Variants in LRBA observed in about 807,000 individuals in gnomAD.
LRBA encodes the protein LPS responsive beige-like anchor protein, also known as lipopolysaccharide-responsive and beige-like anchor protein.
Under a neutral mutation model 330.0 loss-of-function variants are expected in LRBA, and 176 were observed. The ratio of observed to expected loss-of-function variants is 0.53; its 90% CI spans 0.47 to 0.60. The LOEUF is 0.60. Among genes scored for constraint, LRBA ranks in the 20% least tolerant of loss-of-function variants. The pLI is 0.00. For synonymous variants in LRBA, 1,230 were observed against 1,193.0 expected (o/e 1.03, Z -0.64); for missense variants, 3,259 against 3,444.8 (o/e 0.95, Z 1.35).
chr4:150,547,178 A>C (rs1197698844), intron 40 of LRBA, among the ~76,000 whole-genome samples: 1 of 152,154 alleles, frequency 6.6e-6, no homozygotes. Flanking sequence ...ACTTAAAATG[A>C]AATCTGAAAC....
At chr4:150,862,179 G>A (rs1472309553) in intron 22 of LRBA, among the ~76,000 whole-genome samples, 2 of 152,000 alleles carry the variant, frequency 1.3e-5, no homozygotes, top group East Asian at 3.9e-4. Context: ...CCCATTACTG[G>A]GTATATACCC....
chr4:150,764,530 T>C (rs938123326), intron 34 of LRBA, among the ~76,000 whole-genome samples: 1 of 152,042 alleles, frequency 6.6e-6, no homozygotes, highest in Admixed American at 6.6e-5. Context: ...TAAAATCATT[T>C]GTAAAAGACA....
chr4:150,651,084 G>C (rs1214316808), intron 37 of LRBA, among the ~76,000 whole-genome samples: 1 of 152,032 alleles, frequency 6.6e-6, no homozygotes, highest in African/African-American at 2.4e-5. Context: ...TAAATTTTAT[G>C]GCAAAAGTTC....
intron 17 of LRBA, among the ~76,000 whole-genome samples, chr4:150,884,891 T>C: frequency 6.6e-6 from 1 of 152,086 alleles, no homozygotes; most frequent in East Asian, 1.9e-4. Context: ...TAATAAATTA[T>C]ATTCAATAAA....
chr4:150,999,267 T>C (rs1339020106), intron 2 of LRBA, among the ~76,000 whole-genome samples: 1 of 151,858 alleles, frequency 6.6e-6, no homozygotes, highest in Non-Finnish European at 1.5e-5. Context: ...AAAAAAAAAG[T>C]ATTCACTCAA....
intron 36 of LRBA, among the ~76,000 whole-genome samples, chr4:150,697,411 T>C (rs1162796685): frequency 7.4e-6 from 1 of 134,488 alleles, no homozygotes; most frequent in Non-Finnish European, 1.6e-5. Context: ...AAGAAAGGGA[T>C]AGAAAAAATA....
intron 34 of LRBA, among the ~76,000 whole-genome samples, chr4:150,797,191 C>A (rs115334701): frequency 1.1e-3 from 169 of 151,836 alleles, no homozygotes; most frequent in African/African-American, 3.7e-3. Flanking sequence ...ATAAATTTGG[C>A]ATATAGGCAC....
rs1732625268 is a variant in LRBA, at chr4:150,916,648, T to C, written c.736A>G (p.Asn246Asp). The change falls in exon 6 of 57, where the codon AAT becomes GAT. Residue 246 changes from asparagine to aspartate, a missense_variant. Coordinates refer to ENST00000651943, the MANE Select transcript of LRBA (RefSeq NM_001364905.1). ...WLRMDPVNNI[N>D]VDKDKPYLYC... ...AAATATGGTTTATCCTTATCTACAT[T>C]GATGTTATTTACAGGATCCATTCTA... 6.2e-7 allele frequency: 1 copy of C among 1,600,636 alleles called. No individual in the cohort carries two copies. The highest frequency in any genetic ancestry group is 1.7e-5 in the Admixed American group (1 of 57,566).
chr4:150,646,935 G>A (rs1779199226), intron 37 of LRBA, among the ~76,000 whole-genome samples: 1 of 152,050 alleles, frequency 6.6e-6, no homozygotes, highest in South Asian at 2.1e-4. Context: ...AACACTTCTG[G>A]TTCCAAGCAT....
At position 150,849,434 on chromosome 4, in the gene LRBA, A is replaced by G. The variant is rs376149969; in HGVS notation, c.4146T>C (p.Ala1382=). 6.2e-7 allele frequency: 1 copy of G among 1,613,922 alleles called. No homozygotes were observed. The highest frequency in any genetic ancestry group is 1.3e-5 in the African/African-American group (1 of 75,060). The change falls in exon 25 of 57, where the codon GCT becomes GCC. Residue 1382 remains alanine, a synonymous_variant. Transcript: ENST00000651943. Reference sequence around the variant, plus strand: ...ATTAAGTCCTTACTGTAGCCGATGTAGCAGCTGAAAGCAATGGCAGTATAC... The same window carrying G: ...ATTAAGTCCTTACTGTAGCCGATGTGGCAGCTGAAAGCAATGGCAGTATAC... ...CGGILPLLSA[A]TSATHELENI... is the part of the protein sequence containing the mutation.
At chr4:150,587,650 G>C (rs1168843449) in intron 40 of LRBA, among the ~76,000 whole-genome samples, 3 of 152,166 alleles carry the variant, frequency 2.0e-5, no homozygotes, top group Non-Finnish European at 4.4e-5. Context: ...TGGGGACAAA[G>C]CAAGGAGAGT....
intron 34 of LRBA, among the ~76,000 whole-genome samples, chr4:150,790,108 G>A (rs1739683759): frequency 5.3e-5 from 8 of 152,136 alleles, no homozygotes; most frequent in Admixed American, 5.2e-4. Context: ...CAATCAGCAG[G>A]GAACTTGCAG....
intron 22 of LRBA, among the ~76,000 whole-genome samples, chr4:150,863,848 C>T (rs1324316479): frequency 6.6e-6 from 1 of 152,116 alleles, no homozygotes; most frequent in Non-Finnish European, 1.5e-5. Context: ...ATAGGGAACT[C>T]AAAAAGACTA....
intron 56 of LRBA, among the ~76,000 whole-genome samples, chr4:150,268,824 G>A (rs1745695351): frequency 6.6e-6 from 1 of 152,164 alleles, no homozygotes; most frequent in African/African-American, 2.4e-5. Flanking sequence ...TTTCCCCTAT[G>A]ATTGGGAACA....
chr4:150,583,977 CCCT>C lies in LRBA; in HGVS notation c.6330+4068_6330+4070del. Reference sequence around the variant, plus strand: ...TCTCCTGCCTGCAGTGCCGCCGCTGCCCTCACTACTTTCTGCCCAACCTCGACC... The same window carrying C: ...TCTCCTGCCTGCAGTGCCGCCGCTGCCACTACTTTCTGCCCAACCTCGACC... On this transcript the variant is annotated intron_variant, in intron 40 of 56. Transcript: ENST00000651943. This position sits in a 1 kb window ranked among gnomAD's most constrained non-coding sequence, Gnocchi z 9.8. The C allele has an allele frequency of 6.2e-7, 1 of 1,614,136 alleles. No homozygotes were observed. The highest frequency in any genetic ancestry group is 8.5e-7 in the Non-Finnish European group (1 of 1,179,998).
At chr4:150,541,599 T>C (rs1765323824) in intron 40 of LRBA, among the ~76,000 whole-genome samples, 1 of 152,232 alleles carries the variant, frequency 6.6e-6, no homozygotes, top group Admixed American at 6.5e-5. Context: ...ATTTCAGAAG[T>C]TTAAATACAT....
chr4:150,653,484 C>A (rs1020220847), intron 37 of LRBA, among the ~76,000 whole-genome samples: 6 of 152,146 alleles, frequency 3.9e-5, no homozygotes, highest in Non-Finnish European at 8.8e-5. Flanking sequence ...CACCCCAGGA[C>A]CCTCTGGCCT....
At chr4:150,947,575 T>C (rs560347595) in intron 2 of LRBA, among the ~76,000 whole-genome samples, 2 of 152,184 alleles carry the variant, frequency 1.3e-5, no homozygotes, top group East Asian at 1.9e-4. Flanking sequence ...ACTAACATTA[T>C]ACTCAATGAT....
chr4:150,946,462 A>C (rs913670765), intron 2 of LRBA, among the ~76,000 whole-genome samples: 1 of 152,208 alleles, frequency 6.6e-6, no homozygotes, highest in Admixed American at 6.5e-5. Context: ...AATAACAGAA[A>C]GATAAAGATC....
Sources: allele counts gnomAD v4.1 joint callset (sites outside exome capture counted in the v4.1 genomes callset), GRCh38; gene constraint gnomAD v4.1.1; non-coding constraint Gnocchi (gnomAD v3.1); transcripts MANE v1.5; gene names NCBI Gene and HGNC (gene_info 2026-07-23, HGNC 2026-07-21).